IL1B: variants seen among roughly 807,000 people sequenced by gnomAD.
IL1B encodes the protein interleukin-1 beta.
IL1B carries 11 observed loss-of-function variants against 26.2 expected under a neutral mutation model. The observed-to-expected ratio is 0.42, with a 90% CI of 0.26 to 0.70. The LOEUF (loss-of-function observed/expected upper bound fraction) is 0.70. Among genes scored for constraint, IL1B ranks in the 30% least tolerant of loss-of-function variants. The probability of loss-of-function intolerance (pLI) is 0.25; values close to 1 mark genes in which losing one functional copy is unlikely to be tolerated. For synonymous variants in IL1B, 118 were observed against 120.8 expected, an observed-to-expected ratio of 0.98 and a Z score of 0.15; for missense variants, 255 against 327.5, an observed-to-expected ratio of 0.78 and a Z score of 1.71.
rs953191369 is a variant in IL1B at position 112,830,531 on chromosome 2, G to A, written c.640C>T (p.Arg214Ter). The A allele has an allele frequency of 5.0e-6, 8 of 1,613,924 alleles. No homozygotes were observed. The highest frequency in any genetic ancestry group is 6.8e-6 in the Non-Finnish European group (8 of 1,179,940). The change falls in exon 7 of 7, where the codon CGA becomes TGA. Residue 214 changes from arginine (R) to a stop codon, truncating the protein, a stop_gained. Coordinates refer to ENST00000263341, the MANE Select transcript of IL1B (RefSeq NM_000576.3). LOFTEE classifies it low-confidence loss of function (END_TRUNC). ...KNYPKKKMEK[R>*]FVFNKIEINN... is the part of the protein sequence containing the mutation. ...ATTTCTATCTTGTTGAAGACAAATC[G>A]CTTTTCCATCTTCTTCTTTGGGTAA...
intron 3 of IL1B, among the ~76,000 whole-genome samples, chr2:112,834,592 G>A (rs545514507): frequency 1.0e-3 from 152 of 152,250 alleles, no homozygotes; most frequent in Non-Finnish European, 2.1e-3. Context: ...GAGCCAAGCT[G>A]CTGGAAGAGG....
intron 3 of IL1B, 90 bp from the exon 4 acceptor site, chr2:112,833,665 G>C (rs543345208): frequency 8.5e-7 from 1 of 1,173,058 alleles, no homozygotes; most frequent in African/African-American, 1.5e-5. Flanking sequence ...CAGAGAGGAG[G>C]AAAGGGCTTG....
At position 112,833,373 on chromosome 2, in the gene IL1B, C is replaced by T; in HGVS notation, c.301+1G>A. Reference sequence around the variant, plus strand: ...TCTACTGCCTGCTCTTGGCTAACTACCTTCTTCAAAGATGAAGGGAAAGAA... The same window carrying T: ...TCTACTGCCTGCTCTTGGCTAACTATCTTCTTCAAAGATGAAGGGAAAGAA... On this transcript the variant is annotated splice_donor_variant, in intron 4 of 6. Transcript: ENST00000263341. LOFTEE classifies it high-confidence loss of function. 1 of 1,613,942 alleles carries T rather than the reference C, an allele frequency of 6.2e-7. No individual in the cohort carries two copies. The highest frequency in any genetic ancestry group is 1.3e-5 in the African/African-American group (1 of 75,006).
intron 2 of IL1B, 29 bp from the exon 3 acceptor site, chr2:112,835,646 T>C (rs1478027365): frequency 6.3e-7 from 1 of 1,587,484 alleles, no homozygotes; most frequent in African/African-American, 1.3e-5. Flanking sequence ...CATGTCTCAA[T>C]TATGTCTTCT....
At chr2:112,835,201 A>G in intron 3 of IL1B, 1 of 357,328 alleles carries the variant, frequency 2.8e-6, no homozygotes, top group Non-Finnish European at 5.4e-6. Context: ...AGTTCTCAAG[A>G]TCATCTCTTG....
At chr2:112,831,474 C>T in intron 5 of IL1B, 52 bp from the exon 6 acceptor site, 4 of 1,606,348 alleles carry the variant, frequency 2.5e-6, no homozygotes, top group Non-Finnish European at 2.6e-6. Flanking sequence ...GCAGGGTCAC[C>T]CCAACCCCTA....
chr2:112,833,668 A>G, intron 3 of IL1B, 93 bp from the exon 4 acceptor site: 1 of 1,178,248 alleles, frequency 8.5e-7, no homozygotes, highest in South Asian at 1.2e-5. Flanking sequence ...AGAGGAGGAA[A>G]GGGCTTGAAA....
At position 112,830,417 on chromosome 2, in the gene IL1B, C is replaced by T; in HGVS notation, c.754G>A (p.Gly252Arg). ...QAENMPVFLGGTKGGQDITDF... is the reference protein window; with the variant it reads ...QAENMPVFLGRTKGGQDITDF... ...GTTATATCCTGGCCGCCTTTGGTCC[C>T]TCCCAGGAAGACGGGCATGTTTTCT... Residue 252 changes from glycine (G) to arginine (R), a missense_variant, in exon 7 of 7, where the codon GGG (glycine) becomes AGG (arginine). Coordinates refer to ENST00000263341, the MANE Select transcript of IL1B (RefSeq NM_000576.3). 1 of 1,614,148 alleles carries T rather than the reference C, an allele frequency of 6.2e-7. No individual in the cohort carries two copies. Among genetic ancestry groups the T allele is most frequent in the Non-Finnish European group, 8.5e-7 (1 of 1,180,048 alleles).
chr2:112,834,792 C>CTGCA (rs1462129890), intron 3 of IL1B, among the ~76,000 whole-genome samples: 1 of 152,230 alleles, frequency 6.6e-6, no homozygotes, highest in Admixed American at 6.5e-5. Flanking sequence ...GCCTCCCAAC[C>CTGCA]TGCACAACTG....
At position 112,832,654 on chromosome 2, in the gene IL1B, C is replaced by T. The variant is rs1682008615; in HGVS notation, c.466+8G>A. 1 of 1,613,940 alleles carries T rather than the reference C, an allele frequency of 6.2e-7. No individual in the cohort carries two copies. Among genetic ancestry groups the T allele is most frequent in the Admixed American group, 1.7e-5 (1 of 60,000 alleles). ...GCCAGGCAGGGAAACCAGGATGTTT[C>T]CATTTACCTTGTTGCTCCATATCCT... On this transcript the variant is annotated splice_region_variant and intron_variant, in intron 5 of 6. Transcript: ENST00000263341.
intron 4 of IL1B, 52 bp from the exon 5 acceptor site, chr2:112,832,878 C>T (rs190772277): frequency 4.9e-5 from 79 of 1,603,624 alleles, no homozygotes; most frequent in East Asian, 8.9e-5. Context: ...GGGCAGGCCT[C>T]GTGAGGCGAG....
intron 2 of IL1B, 109 bp downstream of exon 2, chr2:112,836,074 C>T: frequency 2.0e-6 from 2 of 995,080 alleles, no homozygotes; most frequent in East Asian, 2.4e-5. Flanking sequence ...CCCTGTTTGC[C>T]ACTGAAAGAG....
Position 112,830,570 on chromosome 2 carries a change from C to T in IL1B, c.601G>A (p.Val201Ile). 6.2e-7 allele frequency: 1 copy of T among 1,610,600 alleles called. No homozygotes were observed. The highest frequency in any genetic ancestry group is 8.5e-7 in the Non-Finnish European group (1 of 1,176,986). The change falls in exon 7 of 7, where the codon GTA (valine) becomes ATA (isoleucine). Residue 201 changes from valine to isoleucine, a missense_variant. Val to Ile is a conservative substitution (Grantham distance 29). Coordinates refer to ENST00000263341, the MANE Select transcript of IL1B (RefSeq NM_000576.3). The stretch of plus-strand genomic sequence containing the variant: ...TTCTTTGGGTAATTTTTGGGATCTA[C>T]ACTCTGCAGCGAAAGAGAAAGAAGA... ...DDKPTLQLES[V>I]DPKNYPKKKM... is the part of the protein sequence containing the mutation.
At chr2:112,836,102 T>C in intron 2 of IL1B, 81 bp downstream of exon 2, 1 of 1,365,694 alleles carries the variant, frequency 7.3e-7, no homozygotes, top group Non-Finnish European at 1.0e-6. Context: ...AGGGGAAAAA[T>C]CTGGTCTCCA....
At chr2:112,833,011 A>G (rs770804829) in intron 4 of IL1B, 185 bp from the exon 5 acceptor site, 2 of 665,178 alleles carry the variant, frequency 3.0e-6, no homozygotes, top group Non-Finnish European at 5.4e-6. Flanking sequence ...ACTATTAGAC[A>G]TGGGTTCCAG....
At chr2:112,833,983 ACT>A (rs1682041108) in intron 3 of IL1B, among the ~76,000 whole-genome samples, 1 of 151,974 alleles carries the variant, frequency 6.6e-6, no homozygotes, top group African/African-American at 2.4e-5. Flanking sequence ...ACAGAGTGAG[ACT>A]CTGTCTCATA....
At chr2:112,832,586 T>G in intron 5 of IL1B, 76 bp downstream of exon 5, 1 of 1,453,488 alleles carries the variant, frequency 6.9e-7, no homozygotes, top group Non-Finnish European at 9.7e-7. Context: ...AAATTAACTT[T>G]CTACTTTGTT....
At position 112,835,633 on chromosome 2, in the gene IL1B, G is replaced by A. The variant is rs372847583; in HGVS notation, c.48-16C>T. 16 of 1,606,696 alleles carry A rather than the reference G, an allele frequency of 1.0e-5. No homozygotes were observed. Among genetic ancestry groups the A allele is most frequent in the African/African-American group, 1.3e-5 (1 of 74,762 alleles). On this transcript the variant is annotated splice_polypyrimidine_tract_variant and intron_variant, in intron 2 of 6. Transcript: ENST00000263341. ...CTCATTGCCACTGTAATAAAAACAG[G>A]GACATGTCTCAATTATGTCTTCTAA... is the stretch of plus-strand genomic sequence containing the variant.
chr2:112,830,305 C>T lies in IL1B; in HGVS notation c.*56G>A. 1 of 1,460,398 alleles carries T rather than the reference C, an allele frequency of 6.8e-7. No individual in the cohort carries two copies. Among genetic ancestry groups the T allele is most frequent in the African/African-American group, 1.4e-5 (1 of 71,946 alleles). 90.5% of individuals were successfully genotyped at this position (1,460,398 alleles called of 1,614,324 possible). A position where few individuals can be genotyped will look rare whatever the true frequency, so the allele number is the denominator to read the frequency against. Reference sequence around the variant, plus strand: ...CAAAAACCTTTCTGTTCCCTTTCTGCCAGCCCTAGGGATTGAGTCCACATT... The same window carrying T: ...CAAAAACCTTTCTGTTCCCTTTCTGTCAGCCCTAGGGATTGAGTCCACATT... On this transcript the variant is annotated 3_prime_UTR_variant, in exon 7 of 7. Coordinates refer to ENST00000263341, the MANE Select transcript of IL1B (RefSeq NM_000576.3).
Sources: gnomAD v4.1 joint callset for allele counts (sites outside exome capture counted in the v4.1 genomes callset) on GRCh38, gnomAD v4.1.1 for gene constraint, MANE v1.5 for transcripts, NCBI Gene and HGNC (gene_info 2026-07-23, HGNC 2026-07-21) for gene names.